EEF2K: variants seen among roughly 807,000 people sequenced by gnomAD.
EEF2K encodes alternative protein EEF2K.
Under a neutral mutation model 93.8 loss-of-function variants are expected in EEF2K, and 70 were observed. The observed-to-expected ratio is 0.75, with a 90% CI of 0.62 to 0.91. EEF2K has a LOEUF of 0.91. EEF2K is among the 40% of genes least tolerant of loss of function. The pLI is 0.00. For missense variants in EEF2K, 935 were observed against 972.9 expected, an observed-to-expected ratio of 0.96 and a Z score of 0.52; for synonymous variants, 376 against 380.8, an observed-to-expected ratio of 0.99 and a Z score of 0.15.
intron 1 of EEF2K, among the ~76,000 whole-genome samples, chr16:22,224,732 C>T (rs2047046469): frequency 6.6e-6 from 1 of 152,038 alleles, no homozygotes; most frequent in Non-Finnish European, 1.5e-5. Context: ...GCAGGAGGAT[C>T]ACCTGGGGTC....
At chr16:22,256,245 GTGCCACCA>G (rs1704653903) in intron 6 of EEF2K, among the ~76,000 whole-genome samples, 1 of 151,938 alleles carries the variant, frequency 6.6e-6, no homozygotes, top group Non-Finnish European at 1.5e-5. Context: ...TTACAGGCAT[GTGCCACCA>G]TGCCTGGCTA....
chr16:22,227,826 G>A (rs2047077938), intron 2 of EEF2K, among the ~76,000 whole-genome samples: 1 of 151,930 alleles, frequency 6.6e-6, no homozygotes, highest in Non-Finnish European at 1.5e-5. Flanking sequence ...GCTGGGCACA[G>A]TGGCTCAAGC....
chr16:22,240,647 AG>A (rs1416087325), intron 2 of EEF2K, among the ~76,000 whole-genome samples: 9 of 152,324 alleles, frequency 5.9e-5, no homozygotes, highest in African/African-American at 2.2e-4. Flanking sequence ...TGGAAATGAA[AG>A]GAGGTTACCC....
intron 2 of EEF2K, among the ~76,000 whole-genome samples, chr16:22,234,221 A>G (rs1466637867): frequency 6.6e-6 from 1 of 152,182 alleles, no homozygotes; most frequent in African/African-American, 2.4e-5. Context: ...CCTGCTTCCC[A>G]TGCCCTTATT....
chr16:22,217,582 T>C (rs538745279), intron 1 of EEF2K, among the ~76,000 whole-genome samples: 3 of 152,156 alleles, frequency 2.0e-5, no homozygotes, highest in Non-Finnish European at 4.4e-5. Context: ...TAGCTGGGAT[T>C]ACTGGGATTA....
intron 16 of EEF2K, among the ~76,000 whole-genome samples, chr16:22,276,232 C>T (rs569428346): frequency 5.9e-5 from 9 of 152,220 alleles, no homozygotes; most frequent in East Asian, 3.9e-4. Context: ...AAGTGTGAGC[C>T]GCTGTACCTG....
Position 22,225,681 on chromosome 16 carries a change from ACT to A in EEF2K, c.-46_-45del. On this transcript the variant is annotated 5_prime_UTR_variant, in exon 2 of 18. Transcript: ENST00000263026. Reference sequence around the variant, plus strand: ...CCTTCGCCTCTGCATTTGTCCAGTAACTCTGGCTGTGCCGGATACTGCTTGGG... The same window carrying A: ...CCTTCGCCTCTGCATTTGTCCAGTAACTGGCTGTGCCGGATACTGCTTGGG... The A allele has an allele frequency of 6.3e-7, 1 of 1,597,420 alleles. No individual in the cohort carries two copies. The highest frequency in any genetic ancestry group is 1.1e-5 in the South Asian group (1 of 88,552).
At chr16:22,266,079 G>A (rs997241070) in intron 13 of EEF2K, among the ~76,000 whole-genome samples, 1 of 152,084 alleles carries the variant, frequency 6.6e-6, no homozygotes, top group Non-Finnish European at 1.5e-5. Flanking sequence ...TGTATTAGCC[G>A]GGCATGGTGG....
chr16:22,224,014 C>T (rs1475866273), intron 1 of EEF2K, among the ~76,000 whole-genome samples: 2 of 151,850 alleles, frequency 1.3e-5, no homozygotes, highest in Admixed American at 1.3e-4. Flanking sequence ...CAAGACTAGC[C>T]TGGCCAACAT....
At position 22,229,996 on chromosome 16, in the gene EEF2K, G is replaced by C. The variant is rs142580209; in HGVS notation, c.246+4021G>C. Among the ~76,000 whole-genome samples the C allele has an allele frequency of 8.3e-4, 126 of 152,318 alleles. 1 individual carries two copies. The Middle Eastern group carries it at 0.01, about 12-fold the overall frequency. On this transcript the variant is annotated intron_variant, in intron 2 of 17. Coordinates refer to ENST00000263026, the MANE Select transcript of EEF2K (RefSeq NM_013302.5). Reference sequence around the variant, plus strand: ...TTCTAGCTGGAGTTACTCTGGGGCAGGCAGCTCCAGAAATAGCCCCGTGGG... The same window carrying C: ...TTCTAGCTGGAGTTACTCTGGGGCACGCAGCTCCAGAAATAGCCCCGTGGG...
At chr16:22,215,015 T>G (rs1390888020) in intron 1 of EEF2K, among the ~76,000 whole-genome samples, 1 of 152,200 alleles carries the variant, frequency 6.6e-6, no homozygotes, top group Non-Finnish European at 1.5e-5. Context: ...GTACACCCTA[T>G]GTAAATGAAG....
rs567534143 is a variant in EEF2K at position 22,267,159 on chromosome 16, CAT to C, written c.1764+284_1764+285del. 7.9e-4 allele frequency among the ~76,000 whole-genome samples: 120 copies of C among 152,176 alleles called. 2 individuals are homozygous for C. Among genetic ancestry groups the C allele is most frequent in the African/African-American group, 2.8e-3 (115 of 41,532 alleles). On this transcript the variant is annotated intron_variant, in intron 15 of 17. Coordinates refer to ENST00000263026, the MANE Select transcript of EEF2K (RefSeq NM_013302.5). The stretch of plus-strand genomic sequence containing the variant: ...GGGAAGCAGAAGACACCAGTGGAAA[CAT>C]GTGAGGAAGGGCTGTAACTGGGGCC...
intron 2 of EEF2K, among the ~76,000 whole-genome samples, chr16:22,235,391 A>G (rs1236333788): frequency 6.6e-6 from 1 of 152,128 alleles, no homozygotes; most frequent in Non-Finnish European, 1.5e-5. Context: ...ATGTCTTTTC[A>G]GATCAGTAAA....
intron 16 of EEF2K, among the ~76,000 whole-genome samples, chr16:22,277,738 A>T (rs1280727715): frequency 6.6e-6 from 1 of 152,182 alleles, no homozygotes; most frequent in Non-Finnish European, 1.5e-5. Context: ...GATTGGAGGG[A>T]TGATGAGTGT....
chr16:22,262,437 G>C (rs1316893889), intron 11 of EEF2K, among the ~76,000 whole-genome samples: 2 of 152,124 alleles, frequency 1.3e-5, no homozygotes, highest in Non-Finnish European at 2.9e-5. Context: ...TTCAGCTCAA[G>C]AGGTAGAGGT....
chr16:22,261,989 C>A lies in EEF2K; in HGVS notation c.1300-1121C>A, dbSNP rs370980719. On this transcript the variant is annotated intron_variant, in intron 11 of 17. Transcript: ENST00000263026. ...CACTGCACTACAGCCTGGGTGACAACGTGAGACCCTGCCACACACACACAC... is the reference window on the plus strand; with the variant it reads ...CACTGCACTACAGCCTGGGTGACAAAGTGAGACCCTGCCACACACACACAC... Among the ~76,000 whole-genome samples the A allele has an allele frequency of 4.3e-5, 6 of 141,148 alleles. No homozygotes were observed. In the South Asian group the frequency reaches 1.4e-3, roughly 32 times the overall value. The allele number at this position is 141,148 out of a possible 152,430, so 92.6% of individuals were successfully genotyped here. A position where few individuals can be genotyped will look rare whatever the true frequency, so the allele number is the denominator to read the frequency against.
chr16:22,212,454 A>G (rs2046923774), intron 1 of EEF2K, among the ~76,000 whole-genome samples: 1 of 151,696 alleles, frequency 6.6e-6, no homozygotes, highest in African/African-American at 2.4e-5. Flanking sequence ...CTCCTAAAGT[A>G]GCTGGGATTA....
chr16:22,250,506 T>G, intron 4 of EEF2K, 148 bp from the exon 5 acceptor site: 1 of 927,892 alleles, frequency 1.1e-6, no homozygotes, highest in Non-Finnish European at 1.7e-6. Context: ...TGCTGAGACA[T>G]AGAAGGGAGA....
chr16:22,247,445 C>CA (rs376610133), intron 3 of EEF2K, among the ~76,000 whole-genome samples: 30,029 of 139,110 alleles, frequency 0.22, 3,171 homozygotes, highest in East Asian at 0.33. Context: ...GATTCTGTGT[C>CA]AAAAAAAAAA....
Sources: gnomAD v4.1 joint callset for allele counts (sites outside exome capture counted in the v4.1 genomes callset) on GRCh38, gnomAD v4.1.1 for gene constraint, MANE v1.5 for transcripts, NCBI Gene and HGNC (gene_info 2026-07-23, HGNC 2026-07-21) for gene names.